The following CDC42BPA variants were observed in gnomAD, a reference collection of about 807,000 sequenced individuals.
CDC42BPA encodes the protein CDC42 binding protein kinase alpha, also known as serine/threonine-protein kinase MRCK alpha.
A neutral mutation model predicts 223.5 loss-of-function variants in CDC42BPA; 80 were observed. That is an observed-to-expected ratio of 0.36 (90% confidence interval 0.30 to 0.43). CDC42BPA has a LOEUF of 0.43. Ranked by LOEUF, CDC42BPA falls within the 20% of genes least tolerant of loss-of-function variation. The pLI is 1.00. For missense variants in CDC42BPA, 1,743 were observed against 2,099.9 expected (o/e 0.83, Z 3.32); for synonymous variants, 694 against 718.6 (o/e 0.97, Z 0.55).
At chr1:227,086,387 A>C (rs1290557977) in intron 16 of CDC42BPA, among the ~76,000 whole-genome samples, 2 of 152,174 alleles carry the variant, frequency 1.3e-5, no homozygotes, top group African/African-American at 4.8e-5. Context: ...TAACTTTTTG[A>C]GAATTTTTGG....
At chr1:227,264,961 T>A in intron 1 of CDC42BPA, 1 of 991,834 alleles carries the variant, frequency 1.0e-6, no homozygotes, top group Non-Finnish European at 1.6e-6. Flanking sequence ...CCTCTTCTTG[T>A]ATAACCTCAT....
chr1:227,315,806 T>C (rs528725719), intron 1 of CDC42BPA, among the ~76,000 whole-genome samples: 2 of 152,246 alleles, frequency 1.3e-5, no homozygotes, highest in South Asian at 2.1e-4. Context: ...AGTTATTCTA[T>C]TCACATTTAC....
At chr1:227,248,150 G>A (rs1455925691) in intron 2 of CDC42BPA, among the ~76,000 whole-genome samples, 2 of 152,102 alleles carry the variant, frequency 1.3e-5, no homozygotes, top group Non-Finnish European at 2.9e-5. Flanking sequence ...AGAAGGTAGA[G>A]AAAATAAGAG....
intron 21 of CDC42BPA, among the ~76,000 whole-genome samples, chr1:227,057,921 GAAAC>G: frequency 6.6e-6 from 1 of 152,102 alleles, no homozygotes; most frequent in Non-Finnish European, 1.5e-5. Context: ...TAAAATGAGA[GAAAC>G]AAATCCTAAA....
intron 14 of CDC42BPA, among the ~76,000 whole-genome samples, chr1:227,103,409 G>T (rs988374747): frequency 6.6e-6 from 1 of 151,978 alleles, no homozygotes; most frequent in Admixed American, 6.6e-5. Context: ...AAACCTACAA[G>T]TCTTGAAACA....
Position 227,297,991 on chromosome 1 carries a change from T to C in CDC42BPA, c.178+19014A>G, listed in dbSNP as rs1239914649. Among the ~76,000 whole-genome samples, 568 of 118,712 alleles carry C rather than the reference T, an allele frequency of 4.8e-3. 4 individuals carry two copies. The highest frequency in any genetic ancestry group is 0.017 in the African/African-American group (515 of 30,730). 77.9% of individuals were successfully genotyped at this position (118,712 alleles called of 152,430 possible). ...ATACACACACACACACATATATACA[T>C]ATATATACATATATATACATAATAT... On this transcript the variant is annotated intron_variant, in intron 1 of 36. Transcript: ENST00000366766.
intron 1 of CDC42BPA, among the ~76,000 whole-genome samples, chr1:227,308,481 G>C (rs1265783852): frequency 7.3e-6 from 1 of 137,494 alleles, no homozygotes. Flanking sequence ...CTGCACTCCA[G>C]CCTGGGCAAC....
chr1:227,023,273 AT>A lies in CDC42BPA; in HGVS notation c.4604del (p.Asn1535IlefsTer10). ...LETIRLIYFK[N>X]KMAEGDELVV... Reference sequence around the variant, plus strand: ...TATGTATTTTCTTACCTGCCATCTTATTTTTGAAATATATTAATCTAATGGT... The same window carrying A: ...TATGTATTTTCTTACCTGCCATCTTATTTTGAAATATATTAATCTAATGGT... On this transcript the variant is annotated frameshift_variant, in exon 32 of 37. Transcript: ENST00000366766. LOFTEE classifies it high-confidence loss of function. 7.0e-7 allele frequency: 1 copy of A among 1,432,312 alleles called. No homozygotes were observed. Among genetic ancestry groups the A allele is most frequent in the South Asian group, 1.2e-5 (1 of 82,730 alleles). 88.7% of individuals were successfully genotyped at this position (1,432,312 alleles called of 1,614,324 possible). A position where few individuals can be genotyped will look rare whatever the true frequency, so the allele number is the denominator to read the frequency against.
chr1:227,005,284 C>CTAACATGAAG (rs1663780742), intron 34 of CDC42BPA, among the ~76,000 whole-genome samples, 173 bp from the exon 35 acceptor site: 1 of 152,146 alleles, frequency 6.6e-6, no homozygotes, highest in Non-Finnish European at 1.5e-5. Flanking sequence ...TAATAAAACC[C>CTAACATGAAG]TAACATGAAG....
At chr1:227,014,871 CCTGG>C (rs1479930651) in intron 34 of CDC42BPA, among the ~76,000 whole-genome samples, 1 of 152,144 alleles carries the variant, frequency 6.6e-6, no homozygotes. Flanking sequence ...ATGTACAGAG[CCTGG>C]CTAATTCCAC....
chr1:227,304,477 A>C (rs974210129), intron 1 of CDC42BPA, among the ~76,000 whole-genome samples: 5 of 152,112 alleles, frequency 3.3e-5, no homozygotes, highest in African/African-American at 4.8e-5. Context: ...CTAATTATTA[A>C]ATAATTTTAA....
At chr1:227,010,200 C>T (rs1664901936) in intron 34 of CDC42BPA, among the ~76,000 whole-genome samples, 1 of 152,180 alleles carries the variant, frequency 6.6e-6, no homozygotes, top group Non-Finnish European at 1.5e-5. Context: ...AAGAGACCAA[C>T]AGCAGCTGCC....
intron 14 of CDC42BPA, among the ~76,000 whole-genome samples, chr1:227,110,853 T>C (rs650376): frequency 0.28 from 43,138 of 152,098 alleles, 6,330 homozygotes; most frequent in African/African-American, 0.35. Context: ...TATATTTCTA[T>C]TTACAGCAAA....
chr1:227,242,092 G>A (rs1318221093), intron 2 of CDC42BPA, among the ~76,000 whole-genome samples: 2 of 151,776 alleles, frequency 1.3e-5, no homozygotes, highest in African/African-American at 2.4e-5. Flanking sequence ...ATATTAAAAG[G>A]CCAACTGAAT....
chr1:227,021,654 A>AT (rs199515151), intron 32 of CDC42BPA, among the ~76,000 whole-genome samples: 25 of 150,336 alleles, frequency 1.7e-4, no homozygotes, highest in African/African-American at 3.4e-4. Context: ...CTTCTGATGG[A>AT]TTTTTTTTTT....
At chr1:227,271,301 G>C (rs1685916405) in intron 1 of CDC42BPA, among the ~76,000 whole-genome samples, 1 of 152,168 alleles carries the variant, frequency 6.6e-6, no homozygotes, top group Non-Finnish European at 1.5e-5. Flanking sequence ...CCAGGAGGCA[G>C]ATATTATCAG....
intron 15 of CDC42BPA, among the ~76,000 whole-genome samples, chr1:227,096,192 G>T (rs537123794): frequency 6.6e-6 from 1 of 152,054 alleles, no homozygotes; most frequent in African/African-American, 2.4e-5. Context: ...ACTATCTATA[G>T]ACAGATGTTA....
chr1:227,160,259 C>A (rs1478660395), intron 6 of CDC42BPA, among the ~76,000 whole-genome samples: 1 of 152,116 alleles, frequency 6.6e-6, no homozygotes, highest in East Asian at 1.9e-4. Flanking sequence ...ATCTAAAGTA[C>A]AACAGAAGTC....
chr1:227,166,669 TACAAGGACC>T (rs1156274733), intron 5 of CDC42BPA, among the ~76,000 whole-genome samples: 1 of 152,198 alleles, frequency 6.6e-6, no homozygotes, highest in Non-Finnish European at 1.5e-5. Context: ...GCTGAACTTA[TACAAGGACC>T]ACCCTGGTTC....
Sources: allele counts gnomAD v4.1 joint callset (sites outside exome capture counted in the v4.1 genomes callset), GRCh38; gene constraint gnomAD v4.1.1; transcripts MANE v1.5; gene names NCBI Gene and HGNC (gene_info 2026-07-23, HGNC 2026-07-21).